APLP2: variants seen among roughly 807,000 people sequenced by gnomAD.
The protein encoded by APLP2 is amyloid beta precursor like protein 2, also known as CDEI box-binding protein.
Under a neutral mutation model 89.9 loss-of-function variants are expected in APLP2, and 53 were observed. That is an observed-to-expected ratio of 0.59 (90% confidence interval 0.47 to 0.74). APLP2 has a LOEUF of 0.74. APLP2 is among the 30% of genes least tolerant of loss of function. The pLI is 0.00. For synonymous variants in APLP2, 372 were observed against 348.6 expected, an observed-to-expected ratio of 1.07 and a Z score of -0.75; for missense variants, 973 against 975.9, an observed-to-expected ratio of 1.00 and a Z score of 0.04.
chr11:130,093,204 A>G (rs999167146), intron 1 of APLP2, among the ~76,000 whole-genome samples: 3 of 152,248 alleles, frequency 2.0e-5, no homozygotes, highest in African/African-American at 4.8e-5. Context: ...GTGCATGTGC[A>G]GGAAACTTCC....
Position 130,090,865 on chromosome 11 carries a change from C to T in APLP2, c.106-18564C>T, listed in dbSNP as rs1007749711. Among the ~76,000 whole-genome samples the T allele has an allele frequency of 2.5e-3, 378 of 150,152 alleles. 3 individuals carry two copies. Among genetic ancestry groups the T allele is most frequent in the African/African-American group, 8.6e-3 (348 of 40,322 alleles). On this transcript the variant is annotated intron_variant, in intron 1 of 16. Coordinates refer to ENST00000338167, the MANE Select transcript of APLP2 (RefSeq NM_001142276.2). ...CCGGGCAGAGGCGCCCCTCACCTCC[C>T]GGACGGGGCGGTTGGCCGGGCGGGG...
At position 130,141,405 on chromosome 11, in the gene APLP2, A is replaced by C. The variant is rs895187275; in HGVS notation, c.1924-93A>C. ...GTCCCACAGGTACCTGCTTCCTTCC[A>C]TCAAGCAGCAGGTAGCAGAGGAAGG... On this transcript the variant is annotated intron_variant, in intron 14 of 16. Transcript: ENST00000338167. This position sits in a 1 kb window ranked among gnomAD's most constrained non-coding sequence, Gnocchi z 4.2. 51 of 1,051,056 alleles carry C rather than the reference A, an allele frequency of 4.9e-5. No homozygotes were observed. Among genetic ancestry groups the C allele is most frequent in the South Asian group, 3.4e-4 (25 of 72,898 alleles). 65.1% of individuals were successfully genotyped at this position (1,051,056 alleles called of 1,614,324 possible). A position where few individuals can be genotyped will look rare whatever the true frequency, so the allele number is the denominator to read the frequency against.
At position 130,122,321 on chromosome 11, in the gene APLP2, G is replaced by T; in HGVS notation, c.730G>T (p.Ala244Ser). ...DVYKSEFPTE[A>S]DLEDFTEAAV... ...GGCCTTCAGTGAATTTCCTACTGAAGCAGATCTGGAAGACTTCACAGAAGC... is the reference window on the plus strand; with the variant it reads ...GGCCTTCAGTGAATTTCCTACTGAATCAGATCTGGAAGACTTCACAGAAGC... The change falls in exon 6 of 17, where the codon GCA (alanine) becomes TCA (serine). Residue 244 changes from alanine to serine, a missense_variant. Transcript: ENST00000338167. 6.2e-7 allele frequency: 1 copy of T among 1,614,028 alleles called. No homozygotes were observed.
intron 11 of APLP2, among the ~76,000 whole-genome samples, chr11:130,131,611 C>T (rs542490595): frequency 1.3e-5 from 2 of 152,314 alleles, no homozygotes; most frequent in African/African-American, 2.4e-5. Flanking sequence ...GGATGGAAAA[C>T]GCATGCATCT....
chr11:130,119,364 G>C (rs1232296476), intron 3 of APLP2, among the ~76,000 whole-genome samples: 1 of 152,154 alleles, frequency 6.6e-6, no homozygotes, highest in African/African-American at 2.4e-5. Context: ...CTACTGATCA[G>C]AGTCTTGGGG....
chr11:130,073,755 C>T (rs1471996314), intron 1 of APLP2, among the ~76,000 whole-genome samples: 2 of 152,122 alleles, frequency 1.3e-5, no homozygotes, highest in East Asian at 3.9e-4. Context: ...GCAGGAGAAT[C>T]TGGGAGGTGG....
At chr11:130,093,985 TC>T (rs1289477983) in intron 1 of APLP2, among the ~76,000 whole-genome samples, 7 of 151,816 alleles carry the variant, frequency 4.6e-5, no homozygotes, top group African/African-American at 1.7e-4. Flanking sequence ...GACCTCGTGA[TC>T]CGCCTGCCTT....
intron 1 of APLP2, among the ~76,000 whole-genome samples, chr11:130,103,473 C>G (rs1191420596): frequency 2.6e-5 from 4 of 152,070 alleles, no homozygotes; most frequent in Non-Finnish European, 5.9e-5. Flanking sequence ...GCTTTAACCT[C>G]TGGTATTTTA....
chr11:130,135,268 A>AT (rs1951436124), intron 12 of APLP2, among the ~76,000 whole-genome samples: 1 of 152,196 alleles, frequency 6.6e-6, no homozygotes, highest in Non-Finnish European at 1.5e-5. Context: ...TTCATGGTGT[A>AT]TATGTATATC....
chr11:130,109,946 C>A (rs187526949), intron 2 of APLP2: 4 of 218,822 alleles, frequency 1.8e-5, no homozygotes, highest in Non-Finnish European at 3.6e-5. Flanking sequence ...TGTAAAGGAT[C>A]ATCTCAGGTC....
chr11:130,105,822 G>T (rs938605954), intron 1 of APLP2, among the ~76,000 whole-genome samples: 2 of 151,090 alleles, frequency 1.3e-5, no homozygotes, highest in African/African-American at 4.9e-5. Flanking sequence ...TCCTGCCTCA[G>T]CCTCCTGAGT....
chr11:130,102,787 A>G (rs560893502), intron 1 of APLP2, among the ~76,000 whole-genome samples: 61 of 152,368 alleles, frequency 4.0e-4, no homozygotes, highest in South Asian at 3.9e-3. Flanking sequence ...AGTTACTAGA[A>G]GCACTTTTTA....
chr11:130,083,315 G>A (rs1297826763), intron 1 of APLP2, among the ~76,000 whole-genome samples: 1 of 152,034 alleles, frequency 6.6e-6, no homozygotes, highest in African/African-American at 2.4e-5. Flanking sequence ...GATTGCAGGT[G>A]TGGGCCACCA....
intron 1 of APLP2, among the ~76,000 whole-genome samples, chr11:130,105,466 A>G (rs1440637820): frequency 6.6e-6 from 1 of 152,196 alleles, no homozygotes; most frequent in Non-Finnish European, 1.5e-5. Context: ...TAGTAGGAAA[A>G]CCATGTCATG....
chr11:130,128,378 T>A (rs192281870), intron 9 of APLP2, among the ~76,000 whole-genome samples: 72 of 152,364 alleles, frequency 4.7e-4, no homozygotes, highest in African/African-American at 1.7e-3. Context: ...TATGTTTAGC[T>A]GAAATGCCTT....
chr11:130,091,585 T>G (rs1399867234), intron 1 of APLP2, among the ~76,000 whole-genome samples: 25 of 67,732 alleles, frequency 3.7e-4, no homozygotes, highest in South Asian at 1.1e-3. Flanking sequence ...GCTGGCCGGG[T>G]GGGGGGGCTG....
At chr11:130,081,950 C>T (rs115133496) in intron 1 of APLP2, among the ~76,000 whole-genome samples, 132 of 152,194 alleles carry the variant, frequency 8.7e-4, no homozygotes, top group African/African-American at 2.9e-3. Flanking sequence ...GTAATTGGTT[C>T]GTTTGAGGCT....
intron 1 of APLP2, among the ~76,000 whole-genome samples, chr11:130,108,323 T>C (rs1948077130): frequency 2.0e-5 from 3 of 152,238 alleles, no homozygotes; most frequent in Admixed American, 2.0e-4. Flanking sequence ...GACAAAGGGC[T>C]AATATCCAGA....
chr11:130,140,583 C>A, intron 14 of APLP2, 100 bp downstream of exon 14: 2 of 951,030 alleles, frequency 2.1e-6, no homozygotes, highest in South Asian at 3.8e-5. Context: ...TCTCTGTGTT[C>A]GTTTTCCGCA....
Sources: gnomAD v4.1 joint callset for allele counts (sites outside exome capture counted in the v4.1 genomes callset) on GRCh38, gnomAD v4.1.1 for gene constraint, Gnocchi (gnomAD v3.1) non-coding constraint, MANE v1.5 for transcripts, NCBI Gene and HGNC (gene_info 2026-07-23, HGNC 2026-07-21) for gene names.